Variants in DNM3 observed in about 807,000 individuals in gnomAD.
DNM3 encodes the protein dynamin 3.
DNM3 carries 47 observed loss-of-function variants against 101.6 expected under a neutral mutation model. The observed-to-expected ratio is 0.46, with a 90% confidence interval of 0.37 to 0.59. The LOEUF (loss-of-function observed/expected upper bound fraction) is 0.59. DNM3 is among the 20% of genes least tolerant of loss of function. The pLI, the probability that DNM3 is intolerant of heterozygous loss-of-function variation, is 0.00. For synonymous variants in DNM3, 385 were observed against 387.9 expected (o/e 0.99, Z 0.09); for missense variants, 849 against 1,085.7 (o/e 0.78, Z 3.06).
intron 1 of DNM3, among the ~76,000 whole-genome samples, chr1:171,891,550 C>T (rs552037734): frequency 8.5e-5 from 13 of 152,086 alleles, no homozygotes; most frequent in African/African-American, 3.1e-4. Context: ...GGATCATATC[C>T]AGGATACCAC....
At chr1:172,011,619 G>T (rs1341597637) in intron 4 of DNM3, among the ~76,000 whole-genome samples, 2 of 151,988 alleles carry the variant, frequency 1.3e-5, no homozygotes, top group Non-Finnish European at 2.9e-5. Context: ...AGAAAGATAT[G>T]CCTGAACTCT....
chr1:172,328,021 T>C lies in DNM3; in HGVS notation c.1893+4681T>C, dbSNP rs2066011411. On this transcript the variant is annotated intron_variant, in intron 17 of 20. Coordinates refer to ENST00000627582, the MANE Select transcript of DNM3 (RefSeq NM_015569.5). Reference sequence around the variant, plus strand: ...AGGGTAGAAAACTTCTAGAAGCAAATTGGAATCTATATTATGTTCCCAAAT... The same window carrying C: ...AGGGTAGAAAACTTCTAGAAGCAAACTGGAATCTATATTATGTTCCCAAAT... 1.3e-5 allele frequency among the ~76,000 whole-genome samples: 2 copies of C among 152,094 alleles called. 1 individual carries two copies. The highest frequency in any genetic ancestry group is 4.2e-4 in the South Asian group (2 of 4,818).
intron 15 of DNM3, among the ~76,000 whole-genome samples, chr1:172,262,801 C>A (rs1255066907): frequency 6.6e-6 from 1 of 152,118 alleles, no homozygotes; most frequent in Non-Finnish European, 1.5e-5. Context: ...TTTTTCTTTG[C>A]TAGTGGATAG....
intron 1 of DNM3, among the ~76,000 whole-genome samples, chr1:171,919,863 G>A (rs898995316): frequency 4.6e-5 from 7 of 151,902 alleles, no homozygotes; most frequent in African/African-American, 1.7e-4. Flanking sequence ...TTCCCATTAG[G>A]TTCCGAACTC....
At chr1:172,187,049 C>G (rs2059552109) in intron 14 of DNM3, among the ~76,000 whole-genome samples, 1 of 152,136 alleles carries the variant, frequency 6.6e-6, no homozygotes, top group Non-Finnish European at 1.5e-5. Flanking sequence ...CTTATTCTGC[C>G]TGCCTCTTAA....
chr1:171,990,987 G>A (rs963065848), intron 4 of DNM3, among the ~76,000 whole-genome samples: 1 of 152,122 alleles, frequency 6.6e-6, no homozygotes, highest in Non-Finnish European at 1.5e-5. Flanking sequence ...TCCCATAGGA[G>A]ATTGAGCCAT....
rs2065534573 is a variant in DNM3, at chr1:172,318,799, ATGGCC to A, written c.1882-4529_1882-4525del. On this transcript the variant is annotated intron_variant, in intron 16 of 20. Coordinates refer to ENST00000627582, the MANE Select transcript of DNM3 (RefSeq NM_015569.5). The stretch of plus-strand genomic sequence containing the variant: ...GGTGGGAAGAATCAATATCATGAAA[ATGGCC>A]ATACTGCCCAAGGTAATTTATAGAT... 2.0e-5 allele frequency among the ~76,000 whole-genome samples: 3 copies of A among 152,348 alleles called. No individual in the cohort carries two copies. In the East Asian group the frequency reaches 5.8e-4, roughly 29 times the overall value.
At chr1:172,118,915 G>C (rs901124103) in intron 13 of DNM3, among the ~76,000 whole-genome samples, 5 of 152,028 alleles carry the variant, frequency 3.3e-5, no homozygotes, top group African/African-American at 1.2e-4. Context: ...ACAGAAGGGA[G>C]CCTTTGGTAC....
intron 4 of DNM3, among the ~76,000 whole-genome samples, chr1:172,003,927 G>A (rs2046509327): frequency 6.6e-6 from 1 of 151,980 alleles, no homozygotes; most frequent in Non-Finnish European, 1.5e-5. Context: ...ACTCTATTGA[G>A]GCCATAGTGC....
chr1:172,336,827 G>T (rs2066454009), intron 17 of DNM3, among the ~76,000 whole-genome samples: 1 of 152,112 alleles, frequency 6.6e-6, no homozygotes, highest in Non-Finnish European at 1.5e-5. Context: ...TCAAATCCCA[G>T]CTCTGCTGCT....
chr1:171,841,572 C>A lies in DNM3; in HGVS notation c.-85C>A. The A allele has an allele frequency of 6.7e-7, 1 of 1,496,560 alleles. No homozygotes were observed. Among genetic ancestry groups the A allele is most frequent in the African/African-American group, 1.4e-5 (1 of 70,024 alleles). The allele number at this position is 1,496,560 out of a possible 1,614,324, so 92.7% of individuals were successfully genotyped here. A position where few individuals can be genotyped will look rare whatever the true frequency, so the allele number is the denominator to read the frequency against. On this transcript the variant is annotated 5_prime_UTR_variant, in exon 1 of 21. Coordinates refer to ENST00000627582, the MANE Select transcript of DNM3 (RefSeq NM_015569.5). ...TGGCTGGCTGAGCCCGGCGCAGCAGCAGCAGCCAGGGCAGCGCGGCCCCTA... is the reference window on the plus strand; with the variant it reads ...TGGCTGGCTGAGCCCGGCGCAGCAGAAGCAGCCAGGGCAGCGCGGCCCCTA...
At chr1:172,028,629 G>C (rs1161328685) in intron 4 of DNM3, among the ~76,000 whole-genome samples, 1 of 152,154 alleles carries the variant, frequency 6.6e-6, no homozygotes, top group Non-Finnish European at 1.5e-5. Context: ...GAATCCAGGA[G>C]CTGGTTTTTT....
intron 1 of DNM3, among the ~76,000 whole-genome samples, chr1:171,872,324 A>C (rs2035369173): frequency 6.6e-6 from 1 of 152,132 alleles, no homozygotes; most frequent in African/African-American, 2.4e-5. Context: ...CTCCCACCCC[A>C]AAATAGTTTT....
chr1:171,903,761 A>G (rs1256421410), intron 1 of DNM3, among the ~76,000 whole-genome samples: 1 of 152,186 alleles, frequency 6.6e-6, no homozygotes, highest in Non-Finnish European at 1.5e-5. Context: ...TACTCCTGAA[A>G]AAGGGGGCTT....
intron 14 of DNM3, among the ~76,000 whole-genome samples, chr1:172,194,392 C>T (rs138622681): frequency 0.016 from 2,431 of 152,160 alleles, 60 homozygotes; most frequent in African/African-American, 0.055. Context: ...TGGTGCAGAG[C>T]GGAGTTCAAT....
intron 17 of DNM3, among the ~76,000 whole-genome samples, chr1:172,331,902 A>G (rs935858403): frequency 1.3e-5 from 2 of 152,086 alleles, no homozygotes; most frequent in African/African-American, 4.8e-5. Context: ...TTCAGGGGAG[A>G]GATGATGATG....
chr1:172,338,105 C>T (rs1221148175), intron 17 of DNM3, among the ~76,000 whole-genome samples: 2 of 151,512 alleles, frequency 1.3e-5, no homozygotes, highest in African/African-American at 4.8e-5. Context: ...TTAGTAGAGA[C>T]GGGGTTTCAT....
intron 1 of DNM3, chr1:171,864,148 T>G (rs1358727942): frequency 2.0e-5 from 3 of 152,218 alleles, no homozygotes; most frequent in African/African-American, 7.2e-5. Flanking sequence ...TAAGCAAAGA[T>G]TTGCATGTAG....
intron 17 of DNM3, among the ~76,000 whole-genome samples, chr1:172,354,351 A>G (rs1238445360): frequency 1.3e-5 from 2 of 152,068 alleles, no homozygotes; most frequent in African/African-American, 4.8e-5. Context: ...ACAGGCCCCC[A>G]TTTCACAGAT....
Sources: allele counts gnomAD v4.1 joint callset (sites outside exome capture counted in the v4.1 genomes callset), GRCh38; gene constraint gnomAD v4.1.1; transcripts MANE v1.5; gene names NCBI Gene and HGNC (gene_info 2026-07-23, HGNC 2026-07-21).